Variants in CCDC91 observed in about 807,000 individuals in gnomAD.
The protein encoded by CCDC91 is coiled-coil domain-containing protein 91.
Under a neutral mutation model 63.2 loss-of-function variants are expected in CCDC91, and 48 were observed. The observed-to-expected ratio is 0.76, with a 90% CI of 0.60 to 0.97. The LOEUF (loss-of-function observed/expected upper bound fraction) is 0.97. Ranked by LOEUF, CCDC91 falls within the 50% of genes least tolerant of loss-of-function variation. CCDC91 has a pLI of 0.00. For missense variants in CCDC91, 500 were observed against 494.6 expected, an observed-to-expected ratio of 1.01 and a Z score of -0.10; for synonymous variants, 167 against 165.8, an observed-to-expected ratio of 1.01 and a Z score of -0.06.
At chr12:28,487,874 C>A (rs1236070041) in intron 12 of CCDC91, among the ~76,000 whole-genome samples, 1 of 151,646 alleles carries the variant, frequency 6.6e-6, no homozygotes, top group Non-Finnish European at 1.5e-5. Flanking sequence ...ATACTTTTAC[C>A]AAATTCATTA....
chr12:28,519,838 C>G (rs190445778), intron 12 of CCDC91, among the ~76,000 whole-genome samples: 1 of 150,306 alleles, frequency 6.7e-6, no homozygotes, highest in African/African-American at 2.4e-5. Flanking sequence ...TCTGTCCTTG[C>G]GATAGTTTGC....
chr12:28,365,938 T>C (rs1422500970), intron 7 of CCDC91, among the ~76,000 whole-genome samples: 1 of 152,190 alleles, frequency 6.6e-6, no homozygotes, highest in Non-Finnish European at 1.5e-5. Flanking sequence ...ATGTAATCAA[T>C]CACTTTTTTC....
rs548369191 is a variant in CCDC91, at chr12:28,222,550, TCTTA to T, written c.-15+31913_-15+31916del. On this transcript the variant is annotated intron_variant, in intron 1 of 12. Transcript: ENST00000536442. ...ACTAAGCCTTGAAAAACCAGGCATT[TCTTA>T]CTTCTGTATCCATAATAAATCATGG... 2.9e-4 allele frequency among the ~76,000 whole-genome samples: 44 copies of T among 152,312 alleles called. No homozygotes were observed. In the South Asian group the frequency reaches 7.9e-3, roughly 27 times the overall value.
intron 12 of CCDC91, among the ~76,000 whole-genome samples, chr12:28,485,748 G>A (rs887935236): frequency 4.6e-5 from 7 of 152,092 alleles, no homozygotes; most frequent in African/African-American, 1.4e-4. Flanking sequence ...GAGTCAATTG[G>A]CTTTTCAAAG....
chr12:28,515,192 T>C (rs947354636), intron 12 of CCDC91, among the ~76,000 whole-genome samples: 5 of 151,794 alleles, frequency 3.3e-5, no homozygotes, highest in African/African-American at 1.2e-4. Context: ...GTTTCTAAGA[T>C]TGCTGTTTTC....
chr12:28,290,256 G>T (rs529830278), intron 3 of CCDC91, among the ~76,000 whole-genome samples: 2 of 152,196 alleles, frequency 1.3e-5, no homozygotes, highest in East Asian at 3.9e-4. Context: ...ATTATATAAT[G>T]CTCTTACTTG....
At chr12:28,412,746 C>G (rs1947395300) in intron 8 of CCDC91, 1 of 453,584 alleles carries the variant, frequency 2.2e-6, no homozygotes. Context: ...CCATTTCTGT[C>G]CTTTCAGAGT....
intron 6 of CCDC91, among the ~76,000 whole-genome samples, chr12:28,329,384 A>G (rs1457097408): frequency 1.3e-5 from 2 of 152,156 alleles, no homozygotes; most frequent in East Asian, 1.9e-4. Context: ...GTGGACATAC[A>G]GGATCTAAAA....
At chr12:28,261,897 G>A (rs772656632) in intron 3 of CCDC91, among the ~76,000 whole-genome samples, 1 of 151,788 alleles carries the variant, frequency 6.6e-6, no homozygotes, top group Non-Finnish European at 1.5e-5. Flanking sequence ...AATTAGATCT[G>A]AAGAATTAAC....
At chr12:28,379,960 T>C (rs779545592) in intron 7 of CCDC91, among the ~76,000 whole-genome samples, 13 of 152,096 alleles carry the variant, frequency 8.5e-5, no homozygotes, top group Non-Finnish European at 1.8e-4. Flanking sequence ...ATTAAGAAAA[T>C]GTGGCACATA....
In CCDC91 at chr12:28,450,179, A is replaced by G. The variant is rs1133028; in HGVS notation, c.781A>G (p.Met261Val). ...LNAQHQRLLEMLDTEKELLKE... is the reference protein window; with the variant it reads ...LNAQHQRLLEVLDTEKELLKE... Reference sequence around the variant, plus strand: ...CTTGTAGCATCAGAGGCTCCTTGAAATGCTAGATACAGAGAAGGAACTGTT... The same window carrying G: ...CTTGTAGCATCAGAGGCTCCTTGAAGTGCTAGATACAGAGAAGGAACTGTT... The change falls in exon 9 of 13, where the codon ATG (methionine) becomes GTG (valine). Residue 261 changes from methionine (M) to valine (V), a missense_variant. Coordinates refer to ENST00000536442, the MANE Select transcript of CCDC91 (RefSeq NM_018318.5). 0.036 allele frequency: 57,819 copies of G among 1,603,518 alleles called. 6,412 individuals are homozygous for G. In the African/African-American group the frequency reaches 0.39, roughly 11 times the overall value.
At chr12:28,427,372 C>T (rs1432101126) in intron 8 of CCDC91, among the ~76,000 whole-genome samples, 1 of 152,070 alleles carries the variant, frequency 6.6e-6, no homozygotes. Context: ...AATGGTTACA[C>T]TTCTCTTCCC....
intron 11 of CCDC91, among the ~76,000 whole-genome samples, chr12:28,463,991 C>T (rs1166281933): frequency 6.6e-6 from 1 of 152,144 alleles, no homozygotes; most frequent in African/African-American, 2.4e-5. Flanking sequence ...TCTTAAATCT[C>T]TGACACCACC....
At chr12:28,420,450 T>G (rs1156297679) in intron 8 of CCDC91, among the ~76,000 whole-genome samples, 1 of 152,206 alleles carries the variant, frequency 6.6e-6, no homozygotes, top group East Asian at 1.9e-4. Context: ...TTTAAAAGTC[T>G]GATAATCATT....
chr12:28,255,711 C>T (rs1219000883), intron 1 of CCDC91: 1 of 151,936 alleles, frequency 6.6e-6, no homozygotes, highest in Non-Finnish European at 1.5e-5. Context: ...AATTTAATAC[C>T]TTTCCTTTTT....
At chr12:28,436,153 C>CT (rs1948893205) in intron 8 of CCDC91, among the ~76,000 whole-genome samples, 1 of 151,712 alleles carries the variant, frequency 6.6e-6, no homozygotes, top group Admixed American at 6.6e-5. Context: ...GTTTGTTACC[C>CT]TTTTTTTCCT....
chr12:28,499,461 C>T (rs1470303984), intron 12 of CCDC91, among the ~76,000 whole-genome samples: 1 of 151,672 alleles, frequency 6.6e-6, no homozygotes, highest in Non-Finnish European at 1.5e-5. Flanking sequence ...CACCCATCAA[C>T]CTGTCATCTA....
intron 1 of CCDC91, among the ~76,000 whole-genome samples, chr12:28,229,894 AC>A (rs1565642465): frequency 1.3e-5 from 2 of 152,084 alleles, no homozygotes; most frequent in African/African-American, 4.8e-5. Flanking sequence ...CTTATTATGG[AC>A]CTTGTGAGCC....
At chr12:28,498,269 A>T (rs1180886403) in intron 12 of CCDC91, among the ~76,000 whole-genome samples, 3 of 151,634 alleles carry the variant, frequency 2.0e-5, no homozygotes, top group African/African-American at 7.3e-5. Context: ...AAAGCCCTTG[A>T]ATTTAGTGAA....
Sources: allele counts gnomAD v4.1 joint callset (sites outside exome capture counted in the v4.1 genomes callset), GRCh38; gene constraint gnomAD v4.1.1; transcripts MANE v1.5; gene names NCBI Gene and HGNC (gene_info 2026-07-23, HGNC 2026-07-21).